Variants in XPNPEP1 observed in about 807,000 individuals in gnomAD.
The protein encoded by XPNPEP1 is xaa-Pro aminopeptidase 1.
In XPNPEP1, 39 loss-of-function variants were observed where a neutral mutation model predicts 92.4. The ratio of observed to expected loss-of-function variants is 0.42; its 90% CI spans 0.33 to 0.55. XPNPEP1 has a LOEUF of 0.55. XPNPEP1 is among the 20% of genes least tolerant of loss of function. The pLI is 0.08. For missense variants in XPNPEP1, 654 were observed against 856.1 expected, an observed-to-expected ratio of 0.76 and a Z score of 2.95; for synonymous variants, 307 against 299.4, an observed-to-expected ratio of 1.03 and a Z score of -0.26.
chr10:109,888,422 C>T, intron 6 of XPNPEP1, 81 bp downstream of exon 6: 2 of 1,415,046 alleles, frequency 1.4e-6, no homozygotes, highest in Non-Finnish European at 1.9e-6. Flanking sequence ...GTGCTCCACA[C>T]CCCACAAGCA....
intron 1 of XPNPEP1, among the ~76,000 whole-genome samples, chr10:109,917,579 T>C (rs1850262202): frequency 1.3e-5 from 2 of 152,212 alleles, no homozygotes; most frequent in African/African-American, 4.8e-5. Flanking sequence ...CTCAATGCAT[T>C]CCCTGCCAAA....
intron 9 of XPNPEP1, 175 bp downstream of exon 9, chr10:109,883,890 GAT>G: frequency 1.7e-6 from 1 of 587,242 alleles, no homozygotes; most frequent in Non-Finnish European, 2.9e-6. Flanking sequence ...AGAGAGGCAG[GAT>G]ATAAATAAAC....
At chr10:109,886,564 G>A (rs1311845566) in intron 7 of XPNPEP1, among the ~76,000 whole-genome samples, 4 of 152,150 alleles carry the variant, frequency 2.6e-5, no homozygotes, top group East Asian at 3.8e-4. Flanking sequence ...ATTCATTTAC[G>A]CATCCCACAA....
intron 3 of XPNPEP1, among the ~76,000 whole-genome samples, chr10:109,907,038 T>A (rs914864906): frequency 6.6e-6 from 1 of 152,168 alleles, no homozygotes; most frequent in African/African-American, 2.4e-5. Context: ...CCAGGAACAA[T>A]CCTCATCTCT....
chr10:109,874,294 G>A (rs574741566), intron 15 of XPNPEP1, among the ~76,000 whole-genome samples: 35 of 152,304 alleles, frequency 2.3e-4, no homozygotes, highest in African/African-American at 8.2e-4. Context: ...GAACAAGACA[G>A]AAGAAGGCAA....
Position 109,875,584 on chromosome 10 carries a change from C to T in XPNPEP1, c.1335G>A (p.Thr445=). Reference sequence around the variant, plus strand: ...CCTCATCCAGGGACAAGGTCCTATTCGTCTCAGGGACTGGCCTAACAAAGT... The same window carrying T: ...CCTCATCCAGGGACAAGGTCCTATTTGTCTCAGGGACTGGCCTAACAAAGT... ...AIIHYAPVPE[T]NRTLSLDEVY... Residue 445 remains threonine (T), a synonymous_variant, in exon 15 of 21, where the codon ACG becomes ACA. Transcript: ENST00000502935. 3.1e-6 allele frequency: 5 copies of T among 1,614,090 alleles called. No homozygotes were observed. Among genetic ancestry groups the T allele is most frequent in the Non-Finnish European group, 4.2e-6 (5 of 1,179,984 alleles).
At chr10:109,915,733 G>T (rs913783529) in intron 1 of XPNPEP1, among the ~76,000 whole-genome samples, 1 of 152,140 alleles carries the variant, frequency 6.6e-6, no homozygotes, top group African/African-American at 2.4e-5. Flanking sequence ...TTAGCTAGAA[G>T]ATTTACACAC....
At chr10:109,875,785 C>G (rs1426215599) in intron 14 of XPNPEP1, 186 bp from the exon 15 acceptor site, 1 of 518,592 alleles carries the variant, frequency 1.9e-6, no homozygotes, top group African/African-American at 1.9e-5. Flanking sequence ...TTTCAAAGAT[C>G]CAATCAACCT....
intron 1 of XPNPEP1, among the ~76,000 whole-genome samples, chr10:109,920,703 AT>A (rs1190378108): frequency 6.1e-4 from 89 of 146,604 alleles, no homozygotes; most frequent in East Asian, 9.9e-4. Context: ...CACCAACCTG[AT>A]TTTTTTTTTT....
At chr10:109,915,835 GTT>G (rs1564795823) in intron 1 of XPNPEP1, among the ~76,000 whole-genome samples, 84 of 152,268 alleles carry the variant, frequency 5.5e-4, no homozygotes, top group African/African-American at 1.9e-3. Flanking sequence ...CCAGGCTCAG[GTT>G]ACTAGCATAC....
At chr10:109,898,538 A>G (rs913610071) in intron 3 of XPNPEP1, among the ~76,000 whole-genome samples, 9 of 152,202 alleles carry the variant, frequency 5.9e-5, no homozygotes, top group Admixed American at 3.3e-4. Flanking sequence ...GCCACCAAGG[A>G]TAGGCGAAGA....
intron 2 of XPNPEP1, among the ~76,000 whole-genome samples, chr10:109,912,538 G>A (rs1849935116): frequency 1.3e-5 from 2 of 152,130 alleles, no homozygotes; most frequent in Non-Finnish European, 1.5e-5. Flanking sequence ...GAACAAAGTT[G>A]GTGCAATTAT....
At chr10:109,911,282 T>C (rs1849855469) in intron 2 of XPNPEP1, among the ~76,000 whole-genome samples, 1 of 152,202 alleles carries the variant, frequency 6.6e-6, no homozygotes, top group South Asian at 2.1e-4. Flanking sequence ...CAGAGGGGCA[T>C]TCTTTTTTTT....
At position 109,897,568 on chromosome 10, in the gene XPNPEP1, G is replaced by C. The variant is rs551580454; in HGVS notation, c.247-4493C>G. ...AGGTATCATCCCTCGCTAATCTACAGATGAAAAAAATGAAGCTTAGAGAAA... is the reference window on the plus strand; with the variant it reads ...AGGTATCATCCCTCGCTAATCTACACATGAAAAAAATGAAGCTTAGAGAAA... On this transcript the variant is annotated intron_variant, in intron 3 of 20. Coordinates refer to ENST00000502935, the MANE Select transcript of XPNPEP1 (RefSeq NM_020383.4). Among the ~76,000 whole-genome samples the C allele has an allele frequency of 4.6e-5, 7 of 151,942 alleles. No individual in the cohort carries two copies. In the South Asian group the frequency reaches 1.5e-3, roughly 32 times the overall value.
chr10:109,918,067 T>C (rs180745555), intron 1 of XPNPEP1, among the ~76,000 whole-genome samples: 5 of 151,356 alleles, frequency 3.3e-5, no homozygotes, highest in Admixed American at 6.6e-5. Context: ...TGAGCCATGA[T>C]AGCACCACTG....
chr10:109,921,242 G>A (rs1850520522), intron 1 of XPNPEP1, among the ~76,000 whole-genome samples: 1 of 152,168 alleles, frequency 6.6e-6, no homozygotes, highest in Non-Finnish European at 1.5e-5. Context: ...AAGAAACAAA[G>A]ATCAAATGAC....
At chr10:109,921,626 C>A (rs1850546594) in intron 1 of XPNPEP1, among the ~76,000 whole-genome samples, 1 of 152,248 alleles carries the variant, frequency 6.6e-6, no homozygotes, top group Non-Finnish European at 1.5e-5. Context: ...TAAACTGGAA[C>A]AAGTTCTAAG....
At chr10:109,900,092 G>A (rs756188186) in intron 3 of XPNPEP1, among the ~76,000 whole-genome samples, 6 of 152,212 alleles carry the variant, frequency 3.9e-5, no homozygotes, top group African/African-American at 9.6e-5. Flanking sequence ...AGAGGACAGA[G>A]AGAAGCAGAC....
intron 12 of XPNPEP1, among the ~76,000 whole-genome samples, chr10:109,879,387 T>C (rs1315932809): frequency 6.6e-6 from 1 of 151,930 alleles, no homozygotes; most frequent in Non-Finnish European, 1.5e-5. Context: ...CTGGCCAAGA[T>C]GGTGAAACCC....
Sources: gnomAD v4.1 joint callset for allele counts (sites outside exome capture counted in the v4.1 genomes callset) on GRCh38, gnomAD v4.1.1 for gene constraint, MANE v1.5 for transcripts, NCBI Gene and HGNC (gene_info 2026-07-23, HGNC 2026-07-21) for gene names.